Variants in ZHX3 observed in about 807,000 individuals in gnomAD.
ZHX3 encodes zinc fingers and homeoboxes 3, also known as zinc fingers and homeoboxes protein 3.
ZHX3 carries 20 observed loss-of-function variants against 64.5 expected under a neutral mutation model. The ratio of observed to expected loss-of-function variants is 0.31; its 90% CI spans 0.22 to 0.45. The LOEUF (loss-of-function observed/expected upper bound fraction) is 0.45, where lower values mean the gene tolerates loss of function less well. Among genes scored for constraint, ZHX3 ranks in the 20% least tolerant of loss-of-function variants. The pLI, the probability that ZHX3 is intolerant of heterozygous loss-of-function variation, is 1.00. For missense variants in ZHX3, 1,041 were observed against 1,195.8 expected, an observed-to-expected ratio of 0.87 and a Z score of 1.91; for synonymous variants, 423 against 461.6, an observed-to-expected ratio of 0.92 and a Z score of 1.07.
At chr20:41,315,028 A>G (rs917760370) in intron 1 of ZHX3, among the ~76,000 whole-genome samples, 3 of 152,248 alleles carry the variant, frequency 2.0e-5, no homozygotes, top group Non-Finnish European at 4.4e-5. Flanking sequence ...GATAAGAACA[A>G]CAGGGAAATG....
At position 41,204,776 on chromosome 20, in the gene ZHX3, A is replaced by G; in HGVS notation, c.141T>C (p.Ala47=). 1.2e-6 allele frequency: 2 copies of G among 1,614,060 alleles called. No individual in the cohort carries two copies. The highest frequency in any genetic ancestry group is 8.5e-7 in the Non-Finnish European group (1 of 1,179,936). The part of the protein sequence containing the change: ...PQQDLPPEAS[A]ASSEAAQNPS... Reference sequence around the variant, plus strand: ...GGTTCTGTGCTGCCTCACTGCTGGCAGCAGATGCTTCTGGGGGCAGATCCT... The same window carrying G: ...GGTTCTGTGCTGCCTCACTGCTGGCGGCAGATGCTTCTGGGGGCAGATCCT... The change falls in exon 3 of 4, where the codon GCT becomes GCC. Residue 47 remains alanine, a synonymous_variant. Transcript: ENST00000683867. This position sits in a 1 kb window ranked among gnomAD's most constrained non-coding sequence, Gnocchi z 6.6.
At position 41,203,357 on chromosome 20, in the gene ZHX3, C is replaced by T; in HGVS notation, c.1560G>A (p.Gly520=). 1 of 1,614,182 alleles carries T rather than the reference C, an allele frequency of 6.2e-7. No individual in the cohort carries two copies. Among genetic ancestry groups the T allele is most frequent in the Non-Finnish European group, 8.5e-7 (1 of 1,180,028 alleles). ...TTGTGAGATGTTCAACTTCGCTCTGCCCTGGGAACTGGTTCCGACAGAAGC... is the reference window on the plus strand; with the variant it reads ...TTGTGAGATGTTCAACTTCGCTCTGTCCTGGGAACTGGTTCCGACAGAAGC... ...KGSFCRNQFP[G]QSEVEHLTKV... Residue 520 remains glycine (G), a synonymous_variant, in exon 3 of 4, where the codon GGG becomes GGA. Transcript: ENST00000683867. This position sits in a 1 kb window ranked among gnomAD's most constrained non-coding sequence, Gnocchi z 7.1.
At chr20:41,274,826 G>C (rs2043306357) in intron 1 of ZHX3, among the ~76,000 whole-genome samples, 1 of 152,182 alleles carries the variant, frequency 6.6e-6, no homozygotes, top group Non-Finnish European at 1.5e-5. Flanking sequence ...GAAACTCATA[G>C]TCCAAGGTGA....
Position 41,196,417 on chromosome 20 carries a change from A to T in ZHX3, c.2860+5640T>A, listed in dbSNP as rs1225162171. 2.3e-3 allele frequency among the ~76,000 whole-genome samples: 75 copies of T among 33,168 alleles called. 1 individual carries two copies. Among genetic ancestry groups the T allele is most frequent in the Non-Finnish European group, 3.2e-3 (58 of 18,300 alleles). The allele number at this position is 33,168 out of a possible 152,430, so 21.8% of individuals were successfully genotyped here. On this transcript the variant is annotated intron_variant, in intron 3 of 3. Transcript: ENST00000683867. ...TTTATATATATTATATATTATATAT[A>T]ATATATATTTATATAAATATATATA...
intron 2 of ZHX3, among the ~76,000 whole-genome samples, chr20:41,249,401 C>A (rs1360879849): frequency 1.3e-5 from 2 of 152,094 alleles, no homozygotes; most frequent in African/African-American, 4.8e-5. Flanking sequence ...TTTAATCATG[C>A]TAAAAGTATA....
chr20:41,288,591 T>C (rs1461288574), intron 1 of ZHX3, among the ~76,000 whole-genome samples: 1 of 152,248 alleles, frequency 6.6e-6, no homozygotes, highest in Non-Finnish European at 1.5e-5. Context: ...GAAACCAGCC[T>C]GCAGAAGACA....
At chr20:41,197,469 T>A (rs2037836432) in intron 3 of ZHX3, among the ~76,000 whole-genome samples, 1 of 150,262 alleles carries the variant, frequency 6.7e-6, no homozygotes, top group African/African-American at 2.4e-5. Flanking sequence ...TTTTGTCTGG[T>A]GATAATATAG....
At chr20:41,238,473 G>C (rs1568876502) in intron 2 of ZHX3, among the ~76,000 whole-genome samples, 1 of 152,120 alleles carries the variant, frequency 6.6e-6, no homozygotes, top group Non-Finnish European at 1.5e-5. Context: ...ATCTATCTAA[G>C]CAAGAGCTTC....
Position 41,232,555 on chromosome 20 carries a change from A to G in ZHX3, c.-150-27489T>C, listed in dbSNP as rs1001005844. Among the ~76,000 whole-genome samples the G allele has an allele frequency of 2.6e-5, 4 of 152,062 alleles. No individual in the cohort carries two copies. Among genetic ancestry groups the G allele is most frequent in the African/African-American group, 9.7e-5 (4 of 41,386 alleles). On this transcript the variant is annotated intron_variant, in intron 2 of 3. Transcript: ENST00000683867. This position sits in a 1 kb window ranked among gnomAD's most constrained non-coding sequence, Gnocchi z 5.0. ...AGAGATATGAAAATTGAAACACAGC[A>G]CCCTCTGGTGTACATAGCTGTCTTC...
rs369737232 is a variant in ZHX3, at chr20:41,226,112, C to T, written c.-150-21046G>A. Among the ~76,000 whole-genome samples the T allele has an allele frequency of 5.6e-4, 85 of 152,122 alleles. 1 individual carries two copies. The highest frequency in any genetic ancestry group is 4.8e-3 in the East Asian group (25 of 5,160). On this transcript the variant is annotated intron_variant, in intron 2 of 3. Coordinates refer to ENST00000683867, the MANE Select transcript of ZHX3 (RefSeq NM_001384317.1). This position sits in a 1 kb window ranked among gnomAD's most constrained non-coding sequence, Gnocchi z 4.4. ...CTAGCTAGCTAAAAAAAGTACTTAT[C>T]TTGGGCTGGGCGCGGTGGCTCACAC... is the stretch of plus-strand genomic sequence containing the variant.
intron 1 of ZHX3, among the ~76,000 whole-genome samples, chr20:41,280,283 T>C (rs963510023): frequency 6.6e-6 from 1 of 152,208 alleles, no homozygotes; most frequent in Non-Finnish European, 1.5e-5. Context: ...CAGAATCATC[T>C]GCTGAGCTTT....
chr20:41,225,116 G>A (rs1177045428), intron 2 of ZHX3, among the ~76,000 whole-genome samples: 1 of 152,226 alleles, frequency 6.6e-6, no homozygotes, highest in Non-Finnish European at 1.5e-5. Context: ...ATCAGACAGA[G>A]CCCTAACACT....
intron 1 of ZHX3, among the ~76,000 whole-genome samples, chr20:41,285,052 C>T (rs939915822): frequency 1.3e-5 from 2 of 152,154 alleles, no homozygotes; most frequent in African/African-American, 4.8e-5. Flanking sequence ...AAGAAGCTTT[C>T]TCTAACTACC....
chr20:41,313,145 T>C (rs1044553848), intron 1 of ZHX3, among the ~76,000 whole-genome samples: 1 of 152,194 alleles, frequency 6.6e-6, no homozygotes, highest in South Asian at 2.1e-4. Context: ...GAACAATGAA[T>C]AGACAGTACT....
intron 3 of ZHX3, among the ~76,000 whole-genome samples, chr20:41,190,198 G>A (rs1490050523): frequency 6.6e-6 from 1 of 152,138 alleles, no homozygotes; most frequent in Non-Finnish European, 1.5e-5. Context: ...CGGAAGCACA[G>A]GGGTGCAATC....
chr20:41,275,815 T>G (rs1174418194), intron 1 of ZHX3, among the ~76,000 whole-genome samples: 3 of 152,234 alleles, frequency 2.0e-5, no homozygotes, highest in Non-Finnish European at 4.4e-5. Context: ...GCTAACTGAA[T>G]GACTGTACTT....
intron 1 of ZHX3, among the ~76,000 whole-genome samples, chr20:41,275,017 C>A (rs771909198): frequency 1.3e-5 from 2 of 151,992 alleles, no homozygotes; most frequent in Non-Finnish European, 2.9e-5. Flanking sequence ...ATTAGCTGGG[C>A]GTGGAGGCGG....
intron 2 of ZHX3, among the ~76,000 whole-genome samples, chr20:41,237,127 G>T (rs1006032252): frequency 1.3e-5 from 2 of 152,180 alleles, no homozygotes; most frequent in African/African-American, 4.8e-5. Flanking sequence ...GTGCTAGAGA[G>T]GATCTGGAAA....
At chr20:41,255,171 A>G (rs947298171) in intron 2 of ZHX3, among the ~76,000 whole-genome samples, 3 of 152,030 alleles carry the variant, frequency 2.0e-5, no homozygotes, top group Non-Finnish European at 4.4e-5. Context: ...ATTTTTTTTG[A>G]CATGGAGTCT....
Sources: gnomAD v4.1 joint callset for allele counts (sites outside exome capture counted in the v4.1 genomes callset) on GRCh38, gnomAD v4.1.1 for gene constraint, Gnocchi (gnomAD v3.1) non-coding constraint, MANE v1.5 for transcripts, NCBI Gene and HGNC (gene_info 2026-07-23, HGNC 2026-07-21) for gene names.